FABP6: variants seen among roughly 807,000 people sequenced by gnomAD.
FABP6 encodes gastrotropin.
A neutral mutation model predicts 14.9 loss-of-function variants in FABP6; 13 were observed. The ratio of observed to expected loss-of-function variants is 0.87; its 90% CI spans 0.57 to 1.39. FABP6 has a LOEUF of 1.39. Among genes scored for constraint, FABP6 ranks in the 40% most tolerant of loss-of-function variants. The pLI is 0.00. For missense variants in FABP6, 161 were observed against 167.2 expected, an observed-to-expected ratio of 0.96 and a Z score of 0.20; for synonymous variants, 75 against 63.6, an observed-to-expected ratio of 1.18 and a Z score of -0.85.
intron 3 of FABP6, among the ~76,000 whole-genome samples, chr5:160,218,760 C>T (rs1407136115): frequency 1.6e-4 from 22 of 139,970 alleles, no homozygotes; most frequent in African/African-American, 5.2e-4. Flanking sequence ...TGCGCCTGGC[C>T]TTTTTTTTTT....
At chr5:160,209,590 G>T (rs1220302985) in intron 2 of FABP6, among the ~76,000 whole-genome samples, 1 of 152,178 alleles carries the variant, frequency 6.6e-6, no homozygotes, top group East Asian at 1.9e-4. Flanking sequence ...GTGATGCTCT[G>T]TACCGTCTTG....
At chr5:160,201,451 G>A (rs1261060016) in intron 2 of FABP6, among the ~76,000 whole-genome samples, 1 of 152,126 alleles carries the variant, frequency 6.6e-6, no homozygotes, top group East Asian at 1.9e-4. Flanking sequence ...TGAGGTGGGA[G>A]ATTTTCCCCA....
chr5:160,232,329 T>C, intron 2 of FABP6, 56 bp downstream of exon 2: 1 of 1,499,638 alleles, frequency 6.7e-7, no homozygotes. Context: ...GACTTCTCCT[T>C]CTCAAACATG....
At chr5:160,203,116 G>T (rs1315661156) in intron 2 of FABP6, among the ~76,000 whole-genome samples, 1 of 152,152 alleles carries the variant, frequency 6.6e-6, no homozygotes, top group East Asian at 1.9e-4. Flanking sequence ...TGGCCAGGCT[G>T]GTCTCGAACT....
chr5:160,219,948 C>G (rs1002451256), intron 3 of FABP6, among the ~76,000 whole-genome samples: 7 of 152,098 alleles, frequency 4.6e-5, no homozygotes, highest in Admixed American at 4.6e-4. Flanking sequence ...TCCCCAGTAG[C>G]GTATGAACAC....
At chr5:160,208,353 G>T (rs943219994) in intron 2 of FABP6, among the ~76,000 whole-genome samples, 9 of 151,952 alleles carry the variant, frequency 5.9e-5, no homozygotes, top group Non-Finnish European at 1.3e-4. Context: ...TGGGAGGATC[G>T]CTTGAGCCCA....
chr5:160,199,242 G>A, intron 2 of FABP6: 2 of 1,381,362 alleles, frequency 1.4e-6, no homozygotes, highest in South Asian at 2.3e-5. Flanking sequence ...CTTGGGTGGG[G>A]GACTTGCTCG....
At chr5:160,227,174 T>G (rs907956856), upstream of FABP6, among the ~76,000 whole-genome samples, 1 of 152,192 alleles carries the variant, frequency 6.6e-6, no homozygotes, top group Non-Finnish European at 1.5e-5. Flanking sequence ...GCCCATATCA[T>G]TACATAAACA....
intron 2 of FABP6, among the ~76,000 whole-genome samples, chr5:160,206,898 A>C (rs1007707580): frequency 6.6e-6 from 1 of 152,192 alleles, no homozygotes. Flanking sequence ...CTGTGATTAG[A>C]GTGTTTCCAC....
intron 2 of FABP6, chr5:160,204,580 C>G (rs182051791): frequency 6.6e-6 from 1 of 152,224 alleles, no homozygotes; most frequent in Non-Finnish European, 1.5e-5. Flanking sequence ...ACCTCTGCAT[C>G]CCGGGTTCAA....
chr5:160,220,763 C>T (rs1483511593), intron 3 of FABP6, among the ~76,000 whole-genome samples: 1 of 151,948 alleles, frequency 6.6e-6, no homozygotes, highest in Non-Finnish European at 1.5e-5. Context: ...CATGTTGTAA[C>T]TGCCTGTTTA....
At chr5:160,201,484 T>C (rs1009840538) in intron 2 of FABP6, among the ~76,000 whole-genome samples, 7 of 152,142 alleles carry the variant, frequency 4.6e-5, no homozygotes, top group Admixed American at 6.5e-5. Flanking sequence ...TATTCTTGGA[T>C]ATTAAGAGAA....
intron 2 of FABP6, chr5:160,213,640 T>C: frequency 2.0e-6 from 2 of 988,946 alleles, no homozygotes; most frequent in Non-Finnish European, 3.3e-6. Flanking sequence ...AGAGCGCTGC[T>C]ATGAGGAGCT....
At chr5:160,231,416 C>T (rs986852956) in intron 1 of FABP6, among the ~76,000 whole-genome samples, 28 of 152,170 alleles carry the variant, frequency 1.8e-4, no homozygotes, top group Admixed American at 1.5e-3. Context: ...GAGGAGGGGA[C>T]GGAGTCCTGC....
chr5:160,191,843 G>A lies in FABP6; in HGVS notation c.-59+4389G>A, dbSNP rs557385693. The stretch of plus-strand genomic sequence containing the variant: ...AAAAAATTAGCCAGGCATGGTGGCA[G>A]GCGCCTTGTAGTCCCAGCTACTGGG... On this transcript the variant is annotated intron_variant, in intron 1 of 6. Transcript: ENST00000393980. Among the ~76,000 whole-genome samples, 8 of 151,740 alleles carry A rather than the reference G, an allele frequency of 5.3e-5. No homozygotes were observed. The East Asian group carries it at 1.4e-3, about 26-fold the overall frequency.
chr5:160,190,759 ATCTAT>A (rs1759377435), intron 1 of FABP6, among the ~76,000 whole-genome samples: 1 of 152,052 alleles, frequency 6.6e-6, no homozygotes, highest in African/African-American at 2.4e-5. Context: ...TATATCCTGA[ATCTAT>A]TTTGGGGCTA....
intron 2 of FABP6, among the ~76,000 whole-genome samples, chr5:160,200,353 T>C (rs1420147749): frequency 6.6e-6 from 1 of 152,080 alleles, no homozygotes; most frequent in Admixed American, 6.5e-5. Flanking sequence ...CTTTCTGCCG[T>C]TGTGGGCAGA....
intron 2 of FABP6, 37 bp downstream of exon 2, chr5:160,232,310 C>A: frequency 6.5e-7 from 1 of 1,541,980 alleles, no homozygotes; most frequent in Non-Finnish European, 8.8e-7. Context: ...CTTCCCCAGG[C>A]CTCCATCTGA....
intron 2 of FABP6, among the ~76,000 whole-genome samples, chr5:160,212,801 G>C (rs1759920479): frequency 1.3e-5 from 2 of 152,154 alleles, no homozygotes; most frequent in South Asian, 4.1e-4. Context: ...ATTTTTGGTA[G>C]AGACAGGGTT....
Sources: gnomAD v4.1 joint callset for allele counts (sites outside exome capture counted in the v4.1 genomes callset) on GRCh38, gnomAD v4.1.1 for gene constraint, MANE v1.5 for transcripts, NCBI Gene and HGNC (gene_info 2026-07-23, HGNC 2026-07-21) for gene names.